The following SNX7 variants were observed in gnomAD, a reference collection of about 807,000 sequenced individuals.
SNX7 encodes the protein sorting nexin-7.
A neutral mutation model predicts 48.4 loss-of-function variants in SNX7; 35 were observed. That is an observed-to-expected ratio of 0.72 (90% CI 0.55 to 0.96). The LOEUF is 0.96. Ranked by LOEUF, SNX7 falls within the 40% of genes least tolerant of loss-of-function variation. SNX7 has a pLI of 0.00. For synonymous variants in SNX7, 190 were observed against 190.2 expected (o/e 1.00, Z 0.01); for missense variants, 553 against 548.9 (o/e 1.01, Z -0.07).
chr1:98,663,572 A>C (rs1038067714), intron 1 of SNX7, among the ~76,000 whole-genome samples: 15 of 151,986 alleles, frequency 9.9e-5, no homozygotes, highest in African/African-American at 3.6e-4. Flanking sequence ...CTGGAGTCGC[A>C]GATGTTCTAG....
chr1:98,698,151 T>G (rs893859859), intron 5 of SNX7, among the ~76,000 whole-genome samples: 1 of 152,176 alleles, frequency 6.6e-6, no homozygotes. Context: ...CAGTACAGAT[T>G]AGAGATGCTG....
intron 1 of SNX7, among the ~76,000 whole-genome samples, chr1:98,676,982 T>G (rs1443439669): frequency 6.6e-6 from 1 of 152,214 alleles, no homozygotes; most frequent in Non-Finnish European, 1.5e-5. Context: ...GTTGCAGATT[T>G]AATATTCAAA....
intron 1 of SNX7, among the ~76,000 whole-genome samples, chr1:98,679,635 T>A (rs1284363499): frequency 6.6e-6 from 1 of 152,090 alleles, no homozygotes; most frequent in Admixed American, 6.5e-5. Flanking sequence ...CCATTCCAAA[T>A]GGGAGAAATT....
chr1:98,665,786 C>T (rs560603448), intron 1 of SNX7, among the ~76,000 whole-genome samples: 3 of 152,152 alleles, frequency 2.0e-5, no homozygotes, highest in Non-Finnish European at 4.4e-5. Context: ...GACAGGGTTT[C>T]ATCATGTTGG....
In SNX7 at chr1:98,698,939, C is replaced by T. The variant is rs774118044; in HGVS notation, c.1038+34C>T. On this transcript the variant is annotated intron_variant, in intron 6 of 8. Coordinates refer to ENST00000306121, the MANE Select transcript of SNX7 (RefSeq NM_015976.5). ...ACCTAATTCTAATTTTACCTCAGTC[C>T]CTTACCTGATTATAAGCTCCATAAA... 1.4e-5 allele frequency: 22 copies of T among 1,591,550 alleles called. No homozygotes were observed. The South Asian group carries it at 2.1e-4, about 15-fold the overall frequency.
At chr1:98,737,316 C>T (rs543633528) in intron 7 of SNX7, among the ~76,000 whole-genome samples, 11 of 152,212 alleles carry the variant, frequency 7.2e-5, no homozygotes, top group Admixed American at 3.3e-4. Flanking sequence ...CCCTGTCTAC[C>T]GTTCTGCTTC....
chr1:98,678,567 G>A (rs1650303300), intron 1 of SNX7, among the ~76,000 whole-genome samples: 1 of 152,178 alleles, frequency 6.6e-6, no homozygotes, highest in Non-Finnish European at 1.5e-5. Context: ...AGCTTGGGCA[G>A]GGAAATAACA....
At chr1:98,671,758 T>C (rs561303392) in intron 1 of SNX7, among the ~76,000 whole-genome samples, 1 of 152,302 alleles carries the variant, frequency 6.6e-6, no homozygotes, top group Middle Eastern at 3.4e-3. Flanking sequence ...AATTTGTCTT[T>C]TTAGGTAATT....
chr1:98,725,051 G>T (rs1653093434), intron 7 of SNX7, among the ~76,000 whole-genome samples: 1 of 152,086 alleles, frequency 6.6e-6, no homozygotes, highest in Non-Finnish European at 1.5e-5. Flanking sequence ...ACTTTCTATG[G>T]TATAGGAAAG....
chr1:98,674,533 C>A (rs527346741), intron 1 of SNX7, among the ~76,000 whole-genome samples: 1 of 152,200 alleles, frequency 6.6e-6, no homozygotes, highest in Admixed American at 6.5e-5. Flanking sequence ...TCCTAATGAC[C>A]TCATTTTAAC....
intron 7 of SNX7, among the ~76,000 whole-genome samples, chr1:98,703,677 G>T (rs1210792913): frequency 6.6e-6 from 1 of 151,720 alleles, no homozygotes; most frequent in Non-Finnish European, 1.5e-5. Context: ...ATATACATAT[G>T]TGTATAAACA....
chr1:98,691,450 G>A, intron 3 of SNX7, 85 bp from the exon 4 acceptor site: 1 of 1,136,518 alleles, frequency 8.8e-7, no homozygotes, highest in Non-Finnish European at 1.2e-6. Context: ...TGTTCAACTA[G>A]TCTTCCAAAC....
chr1:98,662,135 A>C, intron 1 of SNX7: 2 of 388,310 alleles, frequency 5.2e-6, no homozygotes, highest in Non-Finnish European at 9.0e-6. Context: ...CCTCCTCCGC[A>C]CTTTGACCTT....
intron 7 of SNX7, among the ~76,000 whole-genome samples, chr1:98,708,441 A>G (rs1652127859): frequency 6.6e-6 from 1 of 152,184 alleles, no homozygotes; most frequent in Non-Finnish European, 1.5e-5. Flanking sequence ...TTTACTTATC[A>G]GCTACAATAC....
chr1:98,693,584 G>A (rs1024229755), intron 4 of SNX7, among the ~76,000 whole-genome samples: 11 of 152,260 alleles, frequency 7.2e-5, no homozygotes, highest in African/African-American at 2.2e-4. Flanking sequence ...CAGTTGTGAC[G>A]TGAGCTGTCT....
chr1:98,755,073 A>G (rs778452512), intron 8 of SNX7, among the ~76,000 whole-genome samples: 2 of 152,092 alleles, frequency 1.3e-5, no homozygotes, highest in Non-Finnish European at 2.9e-5. Flanking sequence ...GGCTTTTTAT[A>G]ATTGTCCTGT....
chr1:98,693,070 C>T (rs1160968735), intron 4 of SNX7, among the ~76,000 whole-genome samples: 2 of 152,082 alleles, frequency 1.3e-5, no homozygotes, highest in Non-Finnish European at 2.9e-5. Flanking sequence ...GCTTAGCTCA[C>T]ACCTGTGTTG....
At position 98,738,246 on chromosome 1, in the gene SNX7, G is replaced by A; in HGVS notation, c.1135G>A (p.Glu379Lys). Residue 379 changes from glutamate to lysine, a missense_variant, in exon 8 of 9, where the codon GAG (glutamate) becomes AAG (lysine). Coordinates refer to ENST00000306121, the MANE Select transcript of SNX7 (RefSeq NM_015976.5). ...KKADTDLLPE[E>K]IGKLEDKVEC... is the part of the protein sequence containing the mutation. ...TTGTGACTTAATTCAGCTTCCAGAG[G>A]AGATTGGAAAACTTGAAGATAAAGT... 1 of 1,612,728 alleles carries A rather than the reference G, an allele frequency of 6.2e-7. No homozygotes were observed. Among genetic ancestry groups the A allele is most frequent in the Non-Finnish European group, 8.5e-7 (1 of 1,179,466 alleles).
chr1:98,679,792 A>T (rs1650377621), intron 1 of SNX7, among the ~76,000 whole-genome samples: 1 of 152,208 alleles, frequency 6.6e-6, no homozygotes, highest in Non-Finnish European at 1.5e-5. Flanking sequence ...GGTCTTGGGC[A>T]GCTCTGCCCC....
Sources: allele counts gnomAD v4.1 joint callset (sites outside exome capture counted in the v4.1 genomes callset), GRCh38; gene constraint gnomAD v4.1.1; transcripts MANE v1.5; gene names NCBI Gene and HGNC (gene_info 2026-07-23, HGNC 2026-07-21).